The following CLPB variants were observed in gnomAD, a reference collection of about 807,000 sequenced individuals.
CLPB encodes the protein mitochondrial disaggregase.
In CLPB, 40 loss-of-function variants were observed where a neutral mutation model predicts 78.4. That is an observed-to-expected ratio of 0.51 (90% CI 0.40 to 0.66). The LOEUF is 0.66. Among genes scored for constraint, CLPB ranks in the 30% least tolerant of loss-of-function variants. CLPB has a pLI of 0.00. For synonymous variants in CLPB, 333 were observed against 348.0 expected (o/e 0.96, Z 0.48); for missense variants, 780 against 886.9 (o/e 0.88, Z 1.53).
intron 5 of CLPB, among the ~76,000 whole-genome samples, chr11:72,342,287 T>C (rs994584867): frequency 1.3e-5 from 2 of 152,082 alleles, no homozygotes; most frequent in Admixed American, 1.3e-4. Flanking sequence ...ATAAAAACCA[T>C]GGAAATGAAT....
In CLPB at chr11:72,408,159, C is replaced by T. The variant is rs1855765368; in HGVS notation, c.456-5107G>A. On this transcript the variant is annotated intron_variant, in intron 2 of 15. Coordinates refer to ENST00000538039, the MANE Select transcript of CLPB (RefSeq NM_001258392.3). ...TTCAGTGAGACTCCAGCATTCAGCC[C>T]TGCCCAGCTTCTTGACTGAGCATCA... 4 of 1,535,654 alleles carry T rather than the reference C, an allele frequency of 2.6e-6. No homozygotes were observed. In the East Asian group the frequency reaches 9.8e-5, roughly 38 times the overall value.
intron 2 of CLPB, among the ~76,000 whole-genome samples, chr11:72,422,272 A>C (rs973852016): frequency 2.0e-5 from 3 of 150,562 alleles, no homozygotes; most frequent in Non-Finnish European, 4.4e-5. Flanking sequence ...TCTCAAAAAA[A>C]AAAAAAAAAA....
At chr11:72,428,410 C>T (rs904856892) in intron 2 of CLPB, among the ~76,000 whole-genome samples, 2 of 152,234 alleles carry the variant, frequency 1.3e-5, no homozygotes, top group African/African-American at 4.8e-5. Context: ...AAACTCCTCA[C>T]CCTGGGCATG....
Position 72,295,520 on chromosome 11 carries a change from C to T in CLPB, c.1458G>A (p.Met486Ile). ...ALQLRQEALE[M>I]SRNRIAENLG... ...GGTTTTCGGCAATACGGTTACGGCT[C>T]ATCTCCAAAGCTTCCTGCCTCAGCT... Residue 486 changes from methionine to isoleucine, a missense_variant, in exon 12 of 16, where the codon ATG becomes ATA. By Grantham distance (10) the Met-to-Ile change is conservative. Around this residue, in one of 3 missense-constraint regions of CLPB, gnomAD observed 272 missense variants for 304.0 expected, o/e 0.89. Coordinates refer to ENST00000538039, the MANE Select transcript of CLPB (RefSeq NM_001258392.3). 6.2e-7 allele frequency: 1 copy of T among 1,614,216 alleles called. No homozygotes were observed. The highest frequency in any genetic ancestry group is 8.5e-7 in the Non-Finnish European group (1 of 1,180,038).
At chr11:72,318,693 C>T (rs1157003341) in intron 6 of CLPB, among the ~76,000 whole-genome samples, 3 of 152,188 alleles carry the variant, frequency 2.0e-5, no homozygotes, top group Non-Finnish European at 4.4e-5. Flanking sequence ...AAATAGCAAA[C>T]AATCCAATTT....
intron 3 of CLPB, among the ~76,000 whole-genome samples, chr11:72,400,691 G>A (rs550546083): frequency 1.3e-5 from 2 of 152,228 alleles, no homozygotes; most frequent in African/African-American, 2.4e-5. Flanking sequence ...TACCAGCGGT[G>A]TAGAATAACA....
intron 4 of CLPB, among the ~76,000 whole-genome samples, chr11:72,367,062 A>C (rs1441603806): frequency 6.6e-6 from 1 of 152,208 alleles, no homozygotes; most frequent in African/African-American, 2.4e-5. Context: ...ATAAAAAAGA[A>C]TGAAATCATG....
chr11:72,362,110 T>C (rs116326300), intron 4 of CLPB, among the ~76,000 whole-genome samples: 87 of 152,324 alleles, frequency 5.7e-4, no homozygotes, highest in African/African-American at 2.0e-3. Context: ...CTCTGAGCTT[T>C]TGTAAATACT....
intron 11 of CLPB, among the ~76,000 whole-genome samples, chr11:72,297,713 A>C: frequency 2.4e-5 from 3 of 124,336 alleles, no homozygotes; most frequent in African/African-American, 8.8e-5. Context: ...GACATGTCCA[A>C]GCATGTGCAT....
intron 2 of CLPB, among the ~76,000 whole-genome samples, chr11:72,426,557 G>T (rs1199726389): frequency 1.3e-5 from 2 of 152,084 alleles, no homozygotes; most frequent in Non-Finnish European, 2.9e-5. Context: ...GAGGGAGGGA[G>T]GGAGCGAGGG....
chr11:72,317,273 G>A, intron 6 of CLPB, 53 bp from the exon 7 acceptor site: 2 of 1,330,242 alleles, frequency 1.5e-6, no homozygotes, highest in Non-Finnish European at 2.1e-6. Flanking sequence ...TAGCACCATA[G>A]CTTCACTCTA....
intron 3 of CLPB, among the ~76,000 whole-genome samples, chr11:72,402,403 G>A (rs1378449258): frequency 6.6e-6 from 1 of 152,184 alleles, no homozygotes; most frequent in African/African-American, 2.4e-5. Flanking sequence ...TATATATTTT[G>A]TGGAGTGATT....
intron 3 of CLPB, 64 bp downstream of exon 3, chr11:72,402,902 T>C (rs2135082974): frequency 7.3e-7 from 1 of 1,373,328 alleles, no homozygotes. Flanking sequence ...GGTGGGAGAG[T>C]GCTCAGGAGC....
chr11:72,415,741 T>C (rs1291409456), intron 2 of CLPB, among the ~76,000 whole-genome samples: 1 of 152,080 alleles, frequency 6.6e-6, no homozygotes, highest in Non-Finnish European at 1.5e-5. Context: ...ATTACAAGCT[T>C]AACAGAACCT....
At chr11:72,404,548 C>T (rs1565084743) in intron 2 of CLPB, among the ~76,000 whole-genome samples, 1 of 152,224 alleles carries the variant, frequency 6.6e-6, no homozygotes, top group South Asian at 2.1e-4. Flanking sequence ...CAGAACAGAA[C>T]TGCACATCTC....
chr11:72,378,780 C>T (rs1051983412), intron 4 of CLPB, among the ~76,000 whole-genome samples: 1 of 152,074 alleles, frequency 6.6e-6, no homozygotes, highest in Non-Finnish European at 1.5e-5. Context: ...ACAATTCCTC[C>T]GGCTCAGTGG....
At chr11:72,410,492 C>T (rs923761643) in intron 2 of CLPB, among the ~76,000 whole-genome samples, 1 of 152,134 alleles carries the variant, frequency 6.6e-6, no homozygotes, top group Non-Finnish European at 1.5e-5. Flanking sequence ...AAGCACTGTA[C>T]AAAATAGCAT....
chr11:72,393,036 T>C (rs1855300272), intron 3 of CLPB, among the ~76,000 whole-genome samples: 1 of 152,164 alleles, frequency 6.6e-6, no homozygotes, highest in South Asian at 2.1e-4. Context: ...AAATCAGTGG[T>C]GAACCCAGAC....
chr11:72,394,711 T>C (rs2135057078), intron 3 of CLPB, among the ~76,000 whole-genome samples: 1 of 152,310 alleles, frequency 6.6e-6, no homozygotes, highest in African/African-American at 2.4e-5. Context: ...TAGAAATGAC[T>C]CTTTCTTACT....
Sources: gnomAD v4.1 joint callset for allele counts (sites outside exome capture counted in the v4.1 genomes callset) on GRCh38, gnomAD v4.1.1 for gene constraint, gnomAD v4.1.1 regional missense constraint, MANE v1.5 for transcripts, NCBI Gene and HGNC (gene_info 2026-07-23, HGNC 2026-07-21) for gene names.